The following STX8 variants were observed in gnomAD, a reference collection of about 807,000 sequenced individuals.
The protein encoded by STX8 is syntaxin-8.
STX8 carries 23 observed loss-of-function variants against 37.5 expected under a neutral mutation model. The ratio of observed to expected loss-of-function variants is 0.61; its 90% confidence interval spans 0.44 to 0.87. STX8 has a LOEUF of 0.87. Among genes scored for constraint, STX8 ranks in the 40% least tolerant of loss-of-function variants. The probability of loss-of-function intolerance (pLI) is 0.00; values close to 1 mark genes in which losing one functional copy is unlikely to be tolerated. For synonymous variants in STX8, 115 were observed against 99.1 expected (o/e 1.16, Z -0.95); for missense variants, 313 against 284.7 (o/e 1.10, Z -0.71).
At chr17:9,509,081 T>A (rs979274073) in intron 4 of STX8, among the ~76,000 whole-genome samples, 1 of 152,142 alleles carries the variant, frequency 6.6e-6, no homozygotes, top group Non-Finnish European at 1.5e-5. Context: ...ACTCTGTCTC[T>A]ACTAAAAATA....
intron 7 of STX8, among the ~76,000 whole-genome samples, chr17:9,338,048 A>ATTTTTT (rs972471091): frequency 0.013 from 1,388 of 107,832 alleles, 67 homozygotes; most frequent in African/African-American, 0.042. Flanking sequence ...CCTCTGAAGG[A>ATTTTTT]TTTTTTTTTT....
intron 3 of STX8, among the ~76,000 whole-genome samples, chr17:9,556,642 A>T (rs1014109885): frequency 6.6e-6 from 1 of 151,138 alleles, no homozygotes; most frequent in Non-Finnish European, 1.5e-5. Flanking sequence ...GGGTTTCACC[A>T]TGTTGACCAG....
intron 7 of STX8, among the ~76,000 whole-genome samples, chr17:9,371,785 T>C (rs1455042905): frequency 2.6e-5 from 4 of 152,190 alleles, no homozygotes; most frequent in African/African-American, 9.6e-5. Flanking sequence ...TGTTACTTAT[T>C]ATAGTTTTCG....
chr17:9,524,462 A>G (rs1905481251), intron 4 of STX8, among the ~76,000 whole-genome samples: 1 of 152,050 alleles, frequency 6.6e-6, no homozygotes, highest in Non-Finnish European at 1.5e-5. Context: ...TTTTTTTTAT[A>G]AGGGCACTAA....
chr17:9,411,109 C>A (rs1390626215), intron 6 of STX8, among the ~76,000 whole-genome samples: 3 of 152,202 alleles, frequency 2.0e-5, no homozygotes, highest in African/African-American at 7.2e-5. Context: ...GGACAAGGAG[C>A]ATTTTCCTCC....
At chr17:9,453,487 C>CTTTTTT (rs1168841037) in intron 6 of STX8, among the ~76,000 whole-genome samples, 21 of 112,232 alleles carry the variant, frequency 1.9e-4, no homozygotes, top group Non-Finnish European at 2.5e-4. Context: ...CACTACTCAT[C>CTTTTTT]TTTTTTTTTT....
At chr17:9,463,680 G>C (rs749530683) in intron 6 of STX8, among the ~76,000 whole-genome samples, 1 of 152,168 alleles carries the variant, frequency 6.6e-6, no homozygotes, top group Admixed American at 6.5e-5. Context: ...GGCCGAGCTG[G>C]GCGGATCACC....
At position 9,344,631 on chromosome 17, in the gene STX8, G is replaced by A. The variant is rs116473693; in HGVS notation, c.643+33921C>T. Among the ~76,000 whole-genome samples, 442 of 152,186 alleles carry A rather than the reference G, an allele frequency of 2.9e-3. 3 individuals carry two copies. Among genetic ancestry groups the A allele is most frequent in the African/African-American group, 0.01 (426 of 41,512 alleles). Reference sequence around the variant, plus strand: ...CCCAGGCACACTGAGACCCCACACTGCTGTCTCTGGCCTGCAAAGATGCAC... The same window carrying A: ...CCCAGGCACACTGAGACCCCACACTACTGTCTCTGGCCTGCAAAGATGCAC... On this transcript the variant is annotated intron_variant, in intron 7 of 7. Transcript: ENST00000306357.
At chr17:9,545,828 G>A (rs144215663) in intron 3 of STX8, among the ~76,000 whole-genome samples, 4,275 of 152,288 alleles carry the variant, frequency 0.028, 193 homozygotes, top group African/African-American at 0.097. Context: ...TGATCTGCCT[G>A]CCTTGGCCTC....
chr17:9,444,556 G>A (rs948480278), intron 6 of STX8, among the ~76,000 whole-genome samples: 1 of 152,138 alleles, frequency 6.6e-6, no homozygotes, highest in Non-Finnish European at 1.5e-5. Flanking sequence ...ATTTCATCTT[G>A]AGCTTGGAGA....
chr17:9,351,860 G>A (rs531023206), intron 7 of STX8, among the ~76,000 whole-genome samples: 27 of 151,866 alleles, frequency 1.8e-4, no homozygotes, highest in Non-Finnish European at 3.2e-4. Context: ...TAATTATACC[G>A]CATCAAATTT....
chr17:9,573,656 T>C (rs1045952354), intron 1 of STX8, among the ~76,000 whole-genome samples: 5 of 152,340 alleles, frequency 3.3e-5, no homozygotes, highest in African/African-American at 9.6e-5. Context: ...GACTGAGACC[T>C]GTCTCAGATA....
At chr17:9,252,016 A>G (rs1906600966) in intron 7 of STX8, among the ~76,000 whole-genome samples, 1 of 148,974 alleles carries the variant, frequency 6.7e-6, no homozygotes, top group Admixed American at 6.7e-5. Context: ...ATATATTTAA[A>G]AAAATAGGCC....
At chr17:9,322,640 T>C (rs1342950726) in intron 7 of STX8, among the ~76,000 whole-genome samples, 1 of 152,002 alleles carries the variant, frequency 6.6e-6, no homozygotes, top group Non-Finnish European at 1.5e-5. Flanking sequence ...TCCCACTGCA[T>C]TGTATGCTTC....
intron 6 of STX8, among the ~76,000 whole-genome samples, chr17:9,417,128 C>A (rs1481685442): frequency 1.3e-5 from 2 of 152,168 alleles, no homozygotes; most frequent in African/African-American, 4.8e-5. Flanking sequence ...CTTGAAAAAC[C>A]AAGCTTTCTG....
intron 7 of STX8, among the ~76,000 whole-genome samples, chr17:9,320,946 C>CA (rs536883769): frequency 0.028 from 2,459 of 86,988 alleles, 34 homozygotes; most frequent in African/African-American, 0.073. Context: ...ACGGGGCCTC[C>CA]AAAAAAAAAA....
chr17:9,363,931 C>T (rs538808770), intron 7 of STX8, among the ~76,000 whole-genome samples: 1 of 152,260 alleles, frequency 6.6e-6, no homozygotes, highest in East Asian at 1.9e-4. Flanking sequence ...TTTTGCACTT[C>T]TCTCAAAGGC....
intron 4 of STX8, among the ~76,000 whole-genome samples, chr17:9,508,274 A>G (rs916012093): frequency 3.9e-5 from 6 of 152,204 alleles, no homozygotes; most frequent in Non-Finnish European, 8.8e-5. Context: ...TCAATGAATA[A>G]GTAAATAAGT....
At chr17:9,430,445 A>C (rs145979978) in intron 6 of STX8, among the ~76,000 whole-genome samples, 1 of 151,476 alleles carries the variant, frequency 6.6e-6, no homozygotes, top group African/African-American at 2.4e-5. Context: ...TGCCTATCCT[A>C]GATATTCCAT....
Sources: allele counts gnomAD v4.1 joint callset (sites outside exome capture counted in the v4.1 genomes callset), GRCh38; gene constraint gnomAD v4.1.1; transcripts MANE v1.5; gene names NCBI Gene and HGNC (gene_info 2026-07-23, HGNC 2026-07-21).